Variants in CNBD1 observed in about 807,000 individuals in gnomAD.
The protein encoded by CNBD1 is cyclic nucleotide binding domain containing 1.
In CNBD1, 71 loss-of-function variants were observed where a neutral mutation model predicts 54.4. The observed-to-expected ratio is 1.30, with a 90% CI of 1.08 to 1.59. The LOEUF (loss-of-function observed/expected upper bound fraction) is 1.59, where lower values mean the gene tolerates loss of function less well. Among genes scored for constraint, CNBD1 ranks in the 40% most tolerant of loss-of-function variants. The pLI, the probability that CNBD1 is intolerant of heterozygous loss-of-function variation, is 0.00. For missense variants in CNBD1, 659 were observed against 518.0 expected, an observed-to-expected ratio of 1.27 and a Z score of -2.64; for synonymous variants, 182 against 170.7, an observed-to-expected ratio of 1.07 and a Z score of -0.51.
In CNBD1 at chr8:87,241,785, T is replaced by C. The variant is rs74391420; in HGVS notation, c.771+4673T>C. On this transcript the variant is annotated intron_variant, in intron 6 of 10. Coordinates refer to ENST00000518476, the MANE Select transcript of CNBD1 (RefSeq NM_173538.3). ...CCTATTAAAAAAACAAAATGATACT[T>C]ATTTGTGATCATTTTGGAAGCTATA... Among the ~76,000 whole-genome samples, 1,441 of 152,282 alleles carry C rather than the reference T, an allele frequency of 9.5e-3. 9 individuals are homozygous for C. Among genetic ancestry groups the C allele is most frequent in the South Asian group, 0.023 (110 of 4,824 alleles).
intron 4 of CNBD1, chr8:87,044,473 G>C (rs563301858): frequency 6.6e-6 from 1 of 152,224 alleles, no homozygotes; most frequent in South Asian, 2.1e-4. Flanking sequence ...AGTGAGGTTA[G>C]AGCAAAAGTT....
intron 4 of CNBD1, among the ~76,000 whole-genome samples, chr8:87,183,559 T>A (rs114257026): frequency 0.016 from 2,433 of 152,236 alleles, 77 homozygotes; most frequent in African/African-American, 0.056. Context: ...TGGTTTAGGA[T>A]CATTGCTGGG....
chr8:87,012,717 A>G (rs1480878664), intron 4 of CNBD1, among the ~76,000 whole-genome samples: 2 of 152,182 alleles, frequency 1.3e-5, no homozygotes, highest in Non-Finnish European at 2.9e-5. Flanking sequence ...TAACCTGAAC[A>G]TTCCTTTCTA....
intron 2 of CNBD1, among the ~76,000 whole-genome samples, chr8:87,388,993 C>A (rs1261851235): frequency 6.6e-6 from 1 of 152,146 alleles, no homozygotes. Context: ...GAACCAACGA[C>A]AAAAACCACA....
At chr8:87,344,175 G>A (rs1005237603) in intron 8 of CNBD1, among the ~76,000 whole-genome samples, 3 of 151,958 alleles carry the variant, frequency 2.0e-5, no homozygotes, top group Admixed American at 2.0e-4. Flanking sequence ...CCAACATAAT[G>A]TGTCAAAAAT....
chr8:86,943,052 TA>T (rs34393468), intron 4 of CNBD1, among the ~76,000 whole-genome samples: 80 of 146,266 alleles, frequency 5.5e-4, no homozygotes, highest in South Asian at 8.6e-4. Flanking sequence ...TGACTAAAAT[TA>T]AAAAAAAAAA....
chr8:87,105,099 AT>A (rs561026743), intron 4 of CNBD1, among the ~76,000 whole-genome samples: 146 of 152,290 alleles, frequency 9.6e-4, no homozygotes, highest in African/African-American at 3.2e-3. Flanking sequence ...AAACATGACC[AT>A]TTTCAAATAC....
intron 2 of CNBD1, among the ~76,000 whole-genome samples, chr8:86,895,771 T>C (rs1351589611): frequency 3.3e-5 from 5 of 152,182 alleles, no homozygotes; most frequent in Admixed American, 6.6e-5. Flanking sequence ...TCAGATTCTG[T>C]CTGTTTTAAA....
downstream of CNBD1, among the ~76,000 whole-genome samples, chr8:87,383,162 T>TTTTGTAATAAAGTAA (rs1811115924): frequency 6.6e-6 from 1 of 152,058 alleles, no homozygotes; most frequent in South Asian, 2.1e-4. Flanking sequence ...AAATATTCCA[T>TTTTGTAATAAAGTAA]TTTGTAATAA....
At chr8:87,224,047 G>A (rs1814414567) in intron 5 of CNBD1, among the ~76,000 whole-genome samples, 1 of 151,492 alleles carries the variant, frequency 6.6e-6, no homozygotes, top group Non-Finnish European at 1.5e-5. Flanking sequence ...CTTCTTTTGA[G>A]AAGTGTCTGT....
chr8:87,381,839 G>A (rs1213582343), intron 10 of CNBD1, among the ~76,000 whole-genome samples: 3 of 151,828 alleles, frequency 2.0e-5, no homozygotes, highest in East Asian at 1.9e-4. Context: ...GTTACGAGGG[G>A]TTGAGGCATG....
chr8:87,282,295 C>T (rs1409467102), intron 6 of CNBD1, among the ~76,000 whole-genome samples: 1 of 151,498 alleles, frequency 6.6e-6, no homozygotes, highest in Non-Finnish European at 1.5e-5. Flanking sequence ...TAAAAGAGTA[C>T]CATATTAGTC....
chr8:87,393,958 A>T (rs955107399), intron 2 of CNBD1, among the ~76,000 whole-genome samples: 1 of 151,888 alleles, frequency 6.6e-6, no homozygotes, highest in African/African-American at 2.4e-5. Context: ...TCCCAAGAGC[A>T]CAATATGTAA....
intron 4 of CNBD1, among the ~76,000 whole-genome samples, chr8:87,197,410 G>T (rs1813745694): frequency 6.6e-6 from 1 of 152,202 alleles, no homozygotes; most frequent in Non-Finnish European, 1.5e-5. Context: ...AGGGGTGTAT[G>T]TTAGACTCAA....
At chr8:86,943,373 A>G (rs1472660095) in intron 4 of CNBD1, among the ~76,000 whole-genome samples, 1 of 144,522 alleles carries the variant, frequency 6.9e-6, no homozygotes, top group African/African-American at 2.5e-5. Context: ...CTCAAAAAAA[A>G]AAAAAAAAAA....
rs1001212080 is a variant in CNBD1 at position 87,205,920 on chromosome 8, A to C, written c.432-73A>C. On this transcript the variant is annotated intron_variant, in intron 4 of 10. Transcript: ENST00000518476. ...CAGAAAATACAAATTTGGAAACTTAAAAATTAAGGATCTGTTTGTTTCTTT... is the reference window on the plus strand; with the variant it reads ...CAGAAAATACAAATTTGGAAACTTACAAATTAAGGATCTGTTTGTTTCTTT... 9.1e-6 allele frequency: 11 copies of C among 1,212,802 alleles called. No homozygotes were observed. In the African/African-American group the frequency reaches 1.7e-4, roughly 19 times the overall value. The allele number at this position is 1,212,802 out of a possible 1,614,324, so 75.1% of individuals were successfully genotyped here.
chr8:86,952,577 A>G (rs1231810772), intron 4 of CNBD1, among the ~76,000 whole-genome samples: 1 of 151,994 alleles, frequency 6.6e-6, no homozygotes, highest in Non-Finnish European at 1.5e-5. Flanking sequence ...GAAAGAATAT[A>G]TATGTGTGTG....
At chr8:87,089,800 T>A (rs1311347998) in intron 4 of CNBD1, among the ~76,000 whole-genome samples, 1 of 152,108 alleles carries the variant, frequency 6.6e-6, no homozygotes, top group African/African-American at 2.4e-5. Context: ...TTTATACTAT[T>A]GGATTATTAG....
At chr8:86,989,386 A>G (rs1428356547) in intron 4 of CNBD1, among the ~76,000 whole-genome samples, 1 of 152,136 alleles carries the variant, frequency 6.6e-6, no homozygotes, top group Non-Finnish European at 1.5e-5. Context: ...TCTTTTGGGT[A>G]TATACCTAGG....
Sources: gnomAD v4.1 joint callset for allele counts (sites outside exome capture counted in the v4.1 genomes callset) on GRCh38, gnomAD v4.1.1 for gene constraint, MANE v1.5 for transcripts, NCBI Gene and HGNC (gene_info 2026-07-23, HGNC 2026-07-21) for gene names.